The following LRP1 variants were observed in gnomAD, a reference collection of about 807,000 sequenced individuals.
LRP1 encodes the protein LDL receptor related protein 1, also known as prolow-density lipoprotein receptor-related protein 1.
A neutral mutation model predicts 541.5 loss-of-function variants in LRP1; 51 were observed. That is an observed-to-expected ratio of 0.09 (90% CI 0.08 to 0.12). The LOEUF (loss-of-function observed/expected upper bound fraction) is 0.12. LRP1 is among the 10% of genes least tolerant of loss of function. The probability of loss-of-function intolerance (pLI) is 1.00; values close to 1 mark genes in which losing one functional copy is unlikely to be tolerated. For synonymous variants in LRP1, 2,219 were observed against 2,470.8 expected (o/e 0.90, Z 3.02); for missense variants, 3,878 against 6,376.2 (o/e 0.61, Z 13.34).
At chr12:57,152,727 C>T (rs1404318517) in intron 6 of LRP1, among the ~76,000 whole-genome samples, 4 of 152,170 alleles carry the variant, frequency 2.6e-5, no homozygotes, top group African/African-American at 9.7e-5. Context: ...AATACCTCGT[C>T]TCTGTGGCCT....
At chr12:57,181,121 C>G in intron 33 of LRP1, 36 bp from the exon 34 acceptor site, 3 of 1,603,736 alleles carry the variant, frequency 1.9e-6, no homozygotes, top group Non-Finnish European at 2.6e-6. Flanking sequence ...AGGAGGGCCA[C>G]CTAACCCTTT....
At position 57,201,069 on chromosome 12, in the gene LRP1, A is replaced by G. The variant is rs758022978; in HGVS notation, c.10261A>G (p.Thr3421Ala). 54 of 1,613,834 alleles carry G rather than the reference A, an allele frequency of 3.3e-5. No individual in the cohort carries two copies. The highest frequency in any genetic ancestry group is 4.6e-5 in the Non-Finnish European group (54 of 1,179,988). Reference protein sequence around the residue: ...HVCLPSQFKCTNTNRCIPGIF... With the variant: ...HVCLPSQFKCANTNRCIPGIF... ...CTGCTTGCCCAGTCAGTTCAAATGC[A>G]CCAACACCAACCGCTGTATTCCCGG... Residue 3421 changes from threonine to alanine, a missense_variant, in exon 65 of 89, where the codon ACC becomes GCC. This residue lies in a region of LRP1 where 278 missense variants were observed against 536.3 expected (regional missense o/e 0.52). Coordinates refer to ENST00000243077, the MANE Select transcript of LRP1 (RefSeq NM_002332.3). The surrounding 1 kb of genome is among the most constrained non-coding windows in gnomAD (Gnocchi z 6.4).
chr12:57,198,799 CT>C, intron 60 of LRP1, 129 bp downstream of exon 60: 4 of 932,300 alleles, frequency 4.3e-6, no homozygotes, highest in South Asian at 3.2e-5. Flanking sequence ...GAGGACACCA[CT>C]CACTGGGGTG....
In LRP1 at chr12:57,167,021, C is replaced by T. The variant is rs2136688561; in HGVS notation, c.2889C>T (p.Asp963=). 6.2e-7 allele frequency: 1 copy of T among 1,614,052 alleles called. No homozygotes were observed. The highest frequency in any genetic ancestry group is 8.5e-7 in the Non-Finnish European group (1 of 1,179,962). The change falls in exon 18 of 89, where the codon GAC becomes GAT. Residue 963 remains aspartate, a synonymous_variant. Coordinates refer to ENST00000243077, the MANE Select transcript of LRP1 (RefSeq NM_002332.3). ...GTGATCTGGATGACGACTGTGGGGA[C>T]CGCTCTGATGAGTCTGCTTCGTGTG... The part of the protein sequence containing the change: ...WTCDLDDDCG[D]RSDESASCAY...
Position 57,201,086 on chromosome 12 carries a change from TA to T in LRP1, c.10279del (p.Ile3427PhefsTer25). On this transcript the variant is annotated frameshift_variant, in exon 65 of 89. Transcript: ENST00000243077. LOFTEE classifies it high-confidence loss of function. This position sits in a 1 kb window ranked among gnomAD's most constrained non-coding sequence, Gnocchi z 6.4. The stretch of plus-strand genomic sequence containing the variant: ...TCAAATGCACCAACACCAACCGCTG[TA>T]TTCCCGGCATCTTCCGCTGCAATGG... ...QFKCTNTNRC[I>X]PGIFRCNGQD... is the part of the protein sequence containing the mutation. 6.2e-7 allele frequency: 1 copy of T among 1,613,878 alleles called. No individual in the cohort carries two copies. Among genetic ancestry groups the T allele is most frequent in the Non-Finnish European group, 8.5e-7 (1 of 1,179,944 alleles).
At chr12:57,161,542 A>G (rs766904101) in intron 13 of LRP1, among the ~76,000 whole-genome samples, 6 of 152,070 alleles carry the variant, frequency 3.9e-5, no homozygotes, top group Non-Finnish European at 7.4e-5. Flanking sequence ...TTCACGAGTC[A>G]TGTACGTGTT....
rs575315374 is a variant in LRP1 at position 57,206,384 on chromosome 12, A to G, written c.11591-89A>G. 1.2e-5 allele frequency: 16 copies of G among 1,335,108 alleles called. No homozygotes were observed. The African/African-American group carries it at 2.3e-4, about 19-fold the overall frequency. The allele number at this position is 1,335,108 out of a possible 1,614,324, so 82.7% of individuals were successfully genotyped here. A position where few individuals can be genotyped will look rare whatever the true frequency, so the allele number is the denominator to read the frequency against. On this transcript the variant is annotated intron_variant, in intron 75 of 88. Coordinates refer to ENST00000243077, the MANE Select transcript of LRP1 (RefSeq NM_002332.3). The surrounding 1 kb of genome is among the most constrained non-coding windows in gnomAD (Gnocchi z 4.7). ...CCGGAGCAGATGGTCCTACCAGGAG[A>G]TGGGACAGTGTTCATGTGAAAGGAG...
chr12:57,203,739 C>T, intron 70 of LRP1: 1 of 586,564 alleles, frequency 1.7e-6, no homozygotes, highest in Non-Finnish European at 2.8e-6. Flanking sequence ...CGGGTTGTGC[C>T]CAGCTCAATG....
At position 57,198,098 on chromosome 12, in the gene LRP1, G is replaced by A. The variant is rs992034022; in HGVS notation, c.9283-58G>A. On this transcript the variant is annotated intron_variant, in intron 58 of 88. Transcript: ENST00000243077. ...CGAGGGGAGGCTGAGCCTCACAGAG[G>A]CTTGCAGGTCCTCCCCCAGGTCACC... The A allele has an allele frequency of 1.7e-5, 25 of 1,467,290 alleles. No homozygotes were observed. In the African/African-American group the frequency reaches 2.8e-4, roughly 16 times the overall value. The allele number at this position is 1,467,290 out of a possible 1,614,324, so 90.9% of individuals were successfully genotyped here.
In LRP1 at chr12:57,207,763, C is replaced by T. The variant is rs144531145; in HGVS notation, c.11860-275C>T. On this transcript the variant is annotated intron_variant, in intron 76 of 88. Transcript: ENST00000243077. ...CATCCTTGCCACTTCCCACTGTGTA[C>T]GTCTTAGCTACCTCATTTAACCTCT... is the stretch of plus-strand genomic sequence containing the variant. 9.8e-5 allele frequency among the ~76,000 whole-genome samples: 15 copies of T among 152,340 alleles called. No individual in the cohort carries two copies. In the East Asian group the frequency reaches 2.5e-3, roughly 25 times the overall value.
At chr12:57,188,158 G>A (rs998529136) in intron 42 of LRP1, among the ~76,000 whole-genome samples, 5 of 152,150 alleles carry the variant, frequency 3.3e-5, no homozygotes, top group African/African-American at 7.2e-5. Flanking sequence ...GAAAGCACCC[G>A]GGGGTGGGTG....
chr12:57,177,240 G>A lies in LRP1; in HGVS notation c.4191G>A (p.Arg1397=), dbSNP rs918301399. The stretch of plus-strand genomic sequence containing the variant: ...CAAGGGCAATCGCACTGGATCCCCG[G>A]GATGGGTGAGGACCTTGCCCAGCCT... The part of the protein sequence containing the change: ...EHPRAIALDP[R]DGILFWTDWD... Residue 1397 remains arginine (R), a synonymous_variant, in exon 25 of 89, where the codon CGG becomes CGA. Coordinates refer to ENST00000243077, the MANE Select transcript of LRP1 (RefSeq NM_002332.3). This position sits in a 1 kb window ranked among gnomAD's most constrained non-coding sequence, Gnocchi z 6.8. The A allele has an allele frequency of 1.9e-6, 3 of 1,613,976 alleles. No homozygotes were observed. The highest frequency in any genetic ancestry group is 1.7e-6 in the Non-Finnish European group (2 of 1,179,904).
Position 57,158,481 on chromosome 12 carries a change from C to T in LRP1, c.1641C>T (p.Val547=), listed in dbSNP as rs1414356895. 1 of 1,614,198 alleles carries T rather than the reference C, an allele frequency of 6.2e-7. No homozygotes were observed. The highest frequency in any genetic ancestry group is 8.5e-7 in the Non-Finnish European group (1 of 1,180,018). ...GGGGCATGGATATGGGGGCCAAGGT[C>T]CCGGATGAGCACATGATCCCCATTG... The part of the protein sequence containing the change: ...IIRGMDMGAK[V]PDEHMIPIEN... The change falls in exon 11 of 89, where the codon GTC becomes GTT. Residue 547 remains valine, a synonymous_variant. Coordinates refer to ENST00000243077, the MANE Select transcript of LRP1 (RefSeq NM_002332.3). This position sits in a 1 kb window ranked among gnomAD's most constrained non-coding sequence, Gnocchi z 5.3.
chr12:57,137,795 C>CA (rs35342974), intron 1 of LRP1, among the ~76,000 whole-genome samples: 21,274 of 135,490 alleles, frequency 0.16, 1,760 homozygotes, highest in Middle Eastern at 0.22. Flanking sequence ...GACCTTGTCT[C>CA]AAAAAAAAAA....
intron 41 of LRP1, among the ~76,000 whole-genome samples, chr12:57,186,883 T>TAATC (rs1340037111): frequency 1.3e-5 from 2 of 152,246 alleles, no homozygotes; most frequent in African/African-American, 2.4e-5. Flanking sequence ...CTTTATAAAA[T>TAATC]AATCAATCCA....
chr12:57,166,546 G>C (rs1031924636), intron 17 of LRP1: 3 of 392,384 alleles, frequency 7.6e-6, no homozygotes, highest in African/African-American at 6.1e-5. Flanking sequence ...AGACAACAGA[G>C]CGAGACCTGT....
intron 11 of LRP1, among the ~76,000 whole-genome samples, chr12:57,159,060 T>C (rs1475627791): frequency 1.3e-5 from 2 of 152,222 alleles, no homozygotes; most frequent in South Asian, 4.1e-4. Flanking sequence ...TGCTAATGTG[T>C]CCTGAGAAAA....
At chr12:57,182,215 A>C (rs995028557) in intron 34 of LRP1, among the ~76,000 whole-genome samples, 2 of 152,176 alleles carry the variant, frequency 1.3e-5, no homozygotes, top group African/African-American at 4.8e-5. Context: ...GTGCCTCAAG[A>C]CATGGGAAAA....
chr12:57,184,555 G>A lies in LRP1; in HGVS notation c.6186+103G>A, dbSNP rs1019165825. 37 of 1,494,344 alleles carry A rather than the reference G, an allele frequency of 2.5e-5. No homozygotes were observed. The highest frequency in any genetic ancestry group is 3.2e-5 in the Non-Finnish European group (35 of 1,107,306). 92.6% of individuals were successfully genotyped at this position (1,494,344 alleles called of 1,614,324 possible). A position where few individuals can be genotyped will look rare whatever the true frequency, so the allele number is the denominator to read the frequency against. Reference sequence around the variant, plus strand: ...TGGGAGGACTTGGAGCCCAGGGGAAGTCACAGGGTCTCCCAGCCCAGCCCT... The same window carrying A: ...TGGGAGGACTTGGAGCCCAGGGGAAATCACAGGGTCTCCCAGCCCAGCCCT... On this transcript the variant is annotated intron_variant, in intron 38 of 88. Coordinates refer to ENST00000243077, the MANE Select transcript of LRP1 (RefSeq NM_002332.3). This position sits in a 1 kb window ranked among gnomAD's most constrained non-coding sequence, Gnocchi z 7.8.
Sources: gnomAD v4.1 joint callset for allele counts (sites outside exome capture counted in the v4.1 genomes callset) on GRCh38, gnomAD v4.1.1 for gene constraint, gnomAD v4.1.1 regional missense constraint, Gnocchi (gnomAD v3.1) non-coding constraint, MANE v1.5 for transcripts, NCBI Gene and HGNC (gene_info 2026-07-23, HGNC 2026-07-21) for gene names.